The following ARB2A variants were observed in gnomAD, a reference collection of about 807,000 sequenced individuals.
ARB2A encodes cotranscriptional regulator ARB2A.
the ARB2A span, among the ~76,000 whole-genome samples, chr5:93,886,915 T>C: frequency 3.0e-4 from 46 of 151,902 alleles, no homozygotes; most frequent in East Asian, 8.9e-3. Context: ...AAAAATACCA[T>C]AATATGGACC....
the ARB2A span, among the ~76,000 whole-genome samples, chr5:93,788,423 C>T: frequency 8.7e-3 from 1,319 of 152,234 alleles, 27 homozygotes; most frequent in Non-Finnish European, 6.4e-3. Context: ...AGGGCTGCTA[C>T]CATTTCCCTC....
the ARB2A span, among the ~76,000 whole-genome samples, chr5:93,912,910 T>C: frequency 5.3e-5 from 8 of 151,392 alleles, no homozygotes; most frequent in Non-Finnish European, 1.2e-4. Flanking sequence ...ACCATTTTTT[T>C]AAAAAAAAAT....
chr5:93,832,447 C>T, the ARB2A span, among the ~76,000 whole-genome samples: 3 of 152,142 alleles, frequency 2.0e-5, no homozygotes, highest in African/African-American at 7.2e-5. Context: ...AATTAGGGGT[C>T]ATTTTCTACC....
the ARB2A span, among the ~76,000 whole-genome samples, chr5:93,633,666 C>T: frequency 6.6e-6 from 1 of 152,178 alleles, no homozygotes; most frequent in Non-Finnish European, 1.5e-5. Flanking sequence ...CAGGCCCACA[C>T]TGACAAAAGC....
At chr5:94,050,910 G>A in the ARB2A span, 180 of 1,010,196 alleles carry the variant, frequency 1.8e-4, no homozygotes, top group Non-Finnish European at 2.5e-4. Context: ...AAGAATGTCT[G>A]ATAAAAATTT....
the ARB2A span, among the ~76,000 whole-genome samples, chr5:93,830,307 G>A: frequency 9.0e-5 from 5 of 55,256 alleles, no homozygotes; most frequent in Non-Finnish European, 1.7e-4. Flanking sequence ...ATATGTGTGT[G>A]TGTGTATATA....
the ARB2A span, among the ~76,000 whole-genome samples, chr5:94,076,498 C>T: frequency 1.6e-4 from 24 of 152,212 alleles, no homozygotes; most frequent in Non-Finnish European, 3.2e-4. Context: ...CACTGCCCTC[C>T]TATGGCTTAC....
chr5:93,965,948 A>G, the ARB2A span, among the ~76,000 whole-genome samples: 1 of 152,158 alleles, frequency 6.6e-6, no homozygotes, highest in Non-Finnish European at 1.5e-5. Flanking sequence ...GGTAATTTCA[A>G]AAGCTATGAC....
chr5:93,971,185 A>G, the ARB2A span, among the ~76,000 whole-genome samples: 1 of 151,978 alleles, frequency 6.6e-6, no homozygotes, highest in South Asian at 2.1e-4. Flanking sequence ...CTTTTAGTAG[A>G]GACGGGATTT....
chr5:93,626,366 G>A, the ARB2A span, among the ~76,000 whole-genome samples: 1 of 152,146 alleles, frequency 6.6e-6, no homozygotes, highest in Non-Finnish European at 1.5e-5. Flanking sequence ...AACAATCTGA[G>A]TTGTAGAGTA....
chr5:93,622,932 T>G, the ARB2A span, among the ~76,000 whole-genome samples: 1 of 152,220 alleles, frequency 6.6e-6, no homozygotes, highest in Non-Finnish European at 1.5e-5. Context: ...TTTTACTGAT[T>G]TATTCAAATG....
chr5:93,798,123 G>T, the ARB2A span, among the ~76,000 whole-genome samples: 2 of 152,016 alleles, frequency 1.3e-5, no homozygotes, highest in African/African-American at 2.4e-5. Flanking sequence ...TAGGAATGAG[G>T]AACAAATGTT....
the ARB2A span, among the ~76,000 whole-genome samples, chr5:93,979,922 T>C: frequency 6.6e-6 from 1 of 152,172 alleles, no homozygotes; most frequent in Admixed American, 6.5e-5. Flanking sequence ...TCTTCTTTTC[T>C]TGAATAGTTC....
At chr5:93,743,932 T>C in the ARB2A span, among the ~76,000 whole-genome samples, 1 of 152,112 alleles carries the variant, frequency 6.6e-6, no homozygotes, top group Non-Finnish European at 1.5e-5. Flanking sequence ...TCCCAAGGTG[T>C]TGGGATTTCA....
chr5:93,779,366 G>A, the ARB2A span, among the ~76,000 whole-genome samples: 1 of 151,992 alleles, frequency 6.6e-6, no homozygotes, highest in Non-Finnish European at 1.5e-5. Flanking sequence ...GTGTCTTTTG[G>A]TGCTTTTCTA....
At chr5:94,019,778 T>G in the ARB2A span, among the ~76,000 whole-genome samples, 1 of 152,320 alleles carries the variant, frequency 6.6e-6, no homozygotes, top group East Asian at 1.9e-4. Context: ...ATCCCATTAC[T>G]GGGTATATAC....
the ARB2A span, among the ~76,000 whole-genome samples, chr5:94,064,597 T>G: frequency 6.6e-6 from 1 of 152,162 alleles, no homozygotes; most frequent in Non-Finnish European, 1.5e-5. Context: ...ACAAGGACAG[T>G]AGCCACTCAC....
chr5:94,084,686 T>C, the ARB2A span, among the ~76,000 whole-genome samples: 4 of 151,862 alleles, frequency 2.6e-5, no homozygotes, highest in South Asian at 2.1e-4. Context: ...AATTGACAAA[T>C]AGAACAGGAT....
At chr5:93,886,133 C>G in the ARB2A span, among the ~76,000 whole-genome samples, 6 of 151,658 alleles carry the variant, frequency 4.0e-5, no homozygotes, top group Non-Finnish European at 8.9e-5. Flanking sequence ...GAAGACTTAT[C>G]CACGTTAATT....
Sources: allele counts gnomAD v4.1 joint callset (sites outside exome capture counted in the v4.1 genomes callset), GRCh38; gene constraint gnomAD v4.1.1; transcripts MANE v1.5; gene names NCBI Gene and HGNC (gene_info 2026-07-23, HGNC 2026-07-21).